FADS2: variants seen among roughly 807,000 people sequenced by gnomAD.
The protein encoded by FADS2 is acyl-CoA 6-desaturase.
In FADS2, 18 loss-of-function variants were observed where a neutral mutation model predicts 61.2. The observed-to-expected ratio is 0.29, with a 90% CI of 0.20 to 0.44. FADS2 has a LOEUF of 0.44. Ranked by LOEUF, FADS2 falls within the 20% of genes least tolerant of loss-of-function variation. FADS2 has a pLI of 1.00. For synonymous variants in FADS2, 203 were observed against 223.9 expected (o/e 0.91, Z 0.83); for missense variants, 322 against 572.7 (o/e 0.56, Z 4.47).
chr11:61,818,657 C>T (rs997986792), intron 1 of FADS2, among the ~76,000 whole-genome samples: 5 of 152,106 alleles, frequency 3.3e-5, no homozygotes, highest in Non-Finnish European at 7.4e-5. Flanking sequence ...ATATAGAATC[C>T]TTCCCCGTGA....
intron 4 of FADS2, among the ~76,000 whole-genome samples, chr11:61,840,996 C>T (rs2067213387): frequency 6.6e-6 from 1 of 152,036 alleles, no homozygotes; most frequent in African/African-American, 2.4e-5. Context: ...TTTTGATGTT[C>T]CTTAGCTAAG....
At chr11:61,839,670 A>C (rs1352870649) in intron 2 of FADS2, among the ~76,000 whole-genome samples, 1 of 152,220 alleles carries the variant, frequency 6.6e-6, no homozygotes, top group East Asian at 1.9e-4. Flanking sequence ...GGCATCAAAT[A>C]AGCACATTTA....
chr11:61,826,209 G>A (rs987799557), upstream of FADS2: 16 of 702,302 alleles, frequency 2.3e-5, no homozygotes, highest in East Asian at 1.9e-4. Flanking sequence ...ATCTACCGCC[G>A]GCCTCATTGG....
At chr11:61,820,802 AGGCAGGAG>A in intron 1 of FADS2, among the ~76,000 whole-genome samples, 1 of 152,212 alleles carries the variant, frequency 6.6e-6, no homozygotes, top group South Asian at 2.1e-4. Context: ...TGTGGGGGTG[AGGCAGGAG>A]AATCGCTTGA....
At chr11:61,835,052 TGCCTCCCCAGGGACTTCTCCC>T in intron 1 of FADS2, among the ~76,000 whole-genome samples, 1 of 115,508 alleles carries the variant, frequency 8.7e-6, no homozygotes, top group Non-Finnish European at 1.8e-5. Context: ...GACTTCTCCC[TGCCTCCCCAGGGACTTCTCCC>T]TGCCTCCCCA....
chr11:61,864,677 G>A (rs1180068039), intron 10 of FADS2, among the ~76,000 whole-genome samples: 1 of 152,186 alleles, frequency 6.6e-6, no homozygotes, highest in Non-Finnish European at 1.5e-5. Context: ...TTACAGGTGT[G>A]AGCCACTGCA....
intron 5 of FADS2, among the ~76,000 whole-genome samples, chr11:61,852,211 T>C (rs1180825182): frequency 1.3e-5 from 2 of 152,150 alleles, no homozygotes; most frequent in African/African-American, 4.8e-5. Flanking sequence ...ACTTAACTCA[T>C]TGGAAGCTCG....
At chr11:61,861,664 T>A (rs143971262) in intron 7 of FADS2, among the ~76,000 whole-genome samples, 2,080 of 152,314 alleles carry the variant, frequency 0.014, 52 homozygotes, top group African/African-American at 0.047. Flanking sequence ...GGTCCTGCCC[T>A]CGGCCAATGT....
intron 1 of FADS2, among the ~76,000 whole-genome samples, chr11:61,830,025 AG>A (rs1238774558): frequency 6.6e-6 from 1 of 152,228 alleles, no homozygotes; most frequent in African/African-American, 2.4e-5. Flanking sequence ...GCTTAAGCCC[AG>A]TGGGTTTGTG....
upstream of FADS2, among the ~76,000 whole-genome samples, chr11:61,826,735 A>G (rs993690041): frequency 6.6e-6 from 1 of 152,118 alleles, no homozygotes; most frequent in Non-Finnish European, 1.5e-5. Context: ...CCAGCATGAA[A>G]TGTGATGGGA....
intron 7 of FADS2, among the ~76,000 whole-genome samples, chr11:61,861,139 G>A (rs1380534937): frequency 2.0e-5 from 3 of 151,934 alleles, no homozygotes; most frequent in Admixed American, 6.6e-5. Context: ...CGGATCACAA[G>A]GTCAGGAGAT....
chr11:61,819,405 G>A (rs1329375127), intron 1 of FADS2, among the ~76,000 whole-genome samples: 3 of 152,124 alleles, frequency 2.0e-5, no homozygotes, highest in Non-Finnish European at 4.4e-5. Flanking sequence ...AATCGGCTGG[G>A]CGTGGCGGCG....
chr11:61,816,766 C>G lies in FADS2; in HGVS notation c.141+340C>G, dbSNP rs1316573726. On this transcript the variant is annotated intron_variant, in intron 1 of 11. Transcript: ENST00000257261. This position sits in a 1 kb window ranked among gnomAD's most constrained non-coding sequence, Gnocchi z 7.0. ...CACCGGGTCGGGGGCCATAGCTGGC[C>G]TGGCGACGCCGCGCGCCGGGCCAGC... 2.0e-6 allele frequency: 3 copies of G among 1,529,944 alleles called. No homozygotes were observed. The highest frequency in any genetic ancestry group is 2.6e-6 in the Non-Finnish European group (3 of 1,142,100). 94.8% of individuals were successfully genotyped at this position (1,529,944 alleles called of 1,614,324 possible).
Position 61,853,534 on chromosome 11 carries a change from C to T in FADS2, c.745-3477C>T, listed in dbSNP as rs12282628. Among the ~76,000 whole-genome samples, 1,191 of 152,082 alleles carry T rather than the reference C, an allele frequency of 7.8e-3. 19 individuals carry two copies. The highest frequency in any genetic ancestry group is 0.027 in the African/African-American group (1,129 of 41,440). ...GAGGGGGCTGGTGAGACCATTATCC[C>T]GGTAGCAGTGTAAAGGGGCCTCAGA... On this transcript the variant is annotated intron_variant, in intron 5 of 11. Coordinates refer to ENST00000278840, the MANE Select transcript of FADS2 (RefSeq NM_004265.4).
In FADS2 at chr11:61,865,970, CG is replaced by C; in HGVS notation, c.*286del. 2.0e-6 allele frequency: 1 copy of C among 505,578 alleles called. No individual in the cohort carries two copies. The highest frequency in any genetic ancestry group is 3.5e-6 in the Non-Finnish European group (1 of 283,540). 31.3% of individuals were successfully genotyped at this position (505,578 alleles called of 1,614,324 possible). On this transcript the variant is annotated 3_prime_UTR_variant, in exon 12 of 12. Transcript: ENST00000278840. The surrounding 1 kb of genome is among the most constrained non-coding windows in gnomAD (Gnocchi z 4.1). The stretch of plus-strand genomic sequence containing the variant: ...TTCCAAGGAGCAGAGAGGTGGCCAC[CG>C]GGGGTGGCTCTGTCCTACCTCCACT...
At chr11:61,827,067 CCT>C (rs1291106350), upstream of FADS2, among the ~76,000 whole-genome samples, 1 of 152,192 alleles carries the variant, frequency 6.6e-6, no homozygotes, top group Non-Finnish European at 1.5e-5. The surrounding 1 kb of genome is among the most constrained non-coding windows in gnomAD (Gnocchi z 4.5). Context: ...TGCACCCCAC[CCT>C]CTCTGTTCAT....
intron 7 of FADS2, among the ~76,000 whole-genome samples, chr11:61,861,180 C>A (rs1472081775): frequency 5.3e-5 from 8 of 151,572 alleles, no homozygotes; most frequent in African/African-American, 1.9e-4. Context: ...CGGTGAAACC[C>A]CATCTCCACT....
At chr11:61,858,754 T>A (rs2067387270) in intron 7 of FADS2, among the ~76,000 whole-genome samples, 1 of 151,630 alleles carries the variant, frequency 6.6e-6, no homozygotes, top group South Asian at 2.1e-4. Flanking sequence ...CCTGGCTAAT[T>A]TTTGTATTTT....
chr11:61,828,853 G>T lies in FADS2; in HGVS notation c.207+256G>T. 1 of 457,720 alleles carries T rather than the reference G, an allele frequency of 2.2e-6. No homozygotes were observed. 28.4% of individuals were successfully genotyped at this position (457,720 alleles called of 1,614,324 possible). ...GTCCCAGCGGTGGAGAACAGGGCAA[G>T]CATCTACCGCGCGCGCCGGGACCCA... On this transcript the variant is annotated intron_variant, in intron 1 of 11. Transcript: ENST00000278840. The surrounding 1 kb of genome is among the most constrained non-coding windows in gnomAD (Gnocchi z 6.4).
Sources: allele counts gnomAD v4.1 joint callset (sites outside exome capture counted in the v4.1 genomes callset), GRCh38; gene constraint gnomAD v4.1.1; non-coding constraint Gnocchi (gnomAD v3.1); transcripts MANE v1.5; gene names NCBI Gene and HGNC (gene_info 2026-07-23, HGNC 2026-07-21).